KCNJ3: variants seen among roughly 807,000 people sequenced by gnomAD.
KCNJ3 encodes the protein potassium inwardly rectifying channel subfamily J member 3, also known as G protein-activated inward rectifier potassium channel 1.
Under a neutral mutation model 39.2 loss-of-function variants are expected in KCNJ3, and 4 were observed. The ratio of observed to expected loss-of-function variants is 0.10; its 90% confidence interval spans 0.05 to 0.23. The LOEUF is 0.23. KCNJ3 is among the 10% of genes least tolerant of loss of function. The pLI is 1.00. For synonymous variants in KCNJ3, 230 were observed against 237.4 expected, an observed-to-expected ratio of 0.97 and a Z score of 0.29; for missense variants, 276 against 634.9, an observed-to-expected ratio of 0.43 and a Z score of 6.08.
intron 2 of KCNJ3, among the ~76,000 whole-genome samples, chr2:154,796,578 A>T (rs1370197538): frequency 1.3e-5 from 2 of 152,134 alleles, no homozygotes; most frequent in Admixed American, 6.6e-5. Flanking sequence ...TTGAGAAGGC[A>T]GTGTAGAAGT....
intron 2 of KCNJ3, among the ~76,000 whole-genome samples, chr2:154,760,332 C>T (rs894486451): frequency 4.6e-5 from 7 of 152,046 alleles, no homozygotes; most frequent in African/African-American, 9.7e-5. Context: ...ATTTTTCTGA[C>T]GTAAACTTTT....
chr2:154,818,200 A>G (rs941761513), intron 2 of KCNJ3, among the ~76,000 whole-genome samples: 18 of 152,146 alleles, frequency 1.2e-4, no homozygotes, highest in South Asian at 1.0e-3. Flanking sequence ...TTATCATACC[A>G]TATGTAACCT....
At chr2:154,750,464 C>T (rs1347736604) in intron 2 of KCNJ3, among the ~76,000 whole-genome samples, 1 of 151,878 alleles carries the variant, frequency 6.6e-6, no homozygotes, top group Non-Finnish European at 1.5e-5. Flanking sequence ...GTAACTTATT[C>T]CAAAACTGAT....
chr2:154,761,918 T>G (rs769863617), intron 2 of KCNJ3, among the ~76,000 whole-genome samples: 4 of 152,196 alleles, frequency 2.6e-5, no homozygotes, highest in Non-Finnish European at 4.4e-5. Flanking sequence ...GTGGTTATGT[T>G]AAGTATCATA....
chr2:154,732,267 C>A (rs1685460179), intron 2 of KCNJ3, among the ~76,000 whole-genome samples: 1 of 152,034 alleles, frequency 6.6e-6, no homozygotes, highest in Non-Finnish European at 1.5e-5. Context: ...TTATTTATCC[C>A]AGGACAATTT....
At chr2:154,827,510 A>C (rs1420544893) in intron 2 of KCNJ3, among the ~76,000 whole-genome samples, 1 of 152,030 alleles carries the variant, frequency 6.6e-6, no homozygotes, top group African/African-American at 2.4e-5. Context: ...TGTTAATGAG[A>C]CTGTTTCTGC....
intron 2 of KCNJ3, among the ~76,000 whole-genome samples, chr2:154,742,203 A>G (rs925375941): frequency 2.0e-5 from 3 of 151,846 alleles, no homozygotes; most frequent in Admixed American, 6.6e-5. Context: ...ATGTTGTAGC[A>G]TGTGTCAGAA....
At chr2:154,779,245 C>T (rs978680603) in intron 2 of KCNJ3, among the ~76,000 whole-genome samples, 2 of 151,540 alleles carry the variant, frequency 1.3e-5, no homozygotes, top group East Asian at 1.9e-4. Flanking sequence ...TTACCTCTAG[C>T]CCAGAAGTGA....
At chr2:154,749,452 G>A (rs1685800324) in intron 2 of KCNJ3, among the ~76,000 whole-genome samples, 1 of 152,084 alleles carries the variant, frequency 6.6e-6, no homozygotes, top group South Asian at 2.1e-4. Flanking sequence ...TAGCAGGCAT[G>A]TTGTGGGCAA....
intron 2 of KCNJ3, among the ~76,000 whole-genome samples, chr2:154,722,250 G>C (rs539404741): frequency 1.3e-5 from 2 of 152,098 alleles, no homozygotes; most frequent in Non-Finnish European, 2.9e-5. Flanking sequence ...GTACACAATG[G>C]TGAATAAGAA....
chr2:154,746,334 G>C (rs983245741), intron 2 of KCNJ3, among the ~76,000 whole-genome samples: 1 of 151,796 alleles, frequency 6.6e-6, no homozygotes, highest in Non-Finnish European at 1.5e-5. Context: ...TGCATGGTAA[G>C]TTGGCACCCC....
intron 2 of KCNJ3, among the ~76,000 whole-genome samples, chr2:154,771,244 A>AG (rs1336497330): frequency 1.3e-5 from 2 of 152,156 alleles, no homozygotes; most frequent in Admixed American, 6.5e-5. Context: ...TGGAAGAGGA[A>AG]GGGGAAAAAA....
chr2:154,716,726 A>G (rs975435499), intron 2 of KCNJ3, among the ~76,000 whole-genome samples: 2 of 152,292 alleles, frequency 1.3e-5, no homozygotes, highest in Admixed American at 1.3e-4. Flanking sequence ...GACTTTGTTT[A>G]TGGCTACTTA....
Position 154,786,503 on chromosome 2 carries a change from C to A in KCNJ3, c.920-68224C>A, listed in dbSNP as rs539959283. Among the ~76,000 whole-genome samples, 4 of 152,266 alleles carry A rather than the reference C, an allele frequency of 2.6e-5. No individual in the cohort carries two copies. The East Asian group carries it at 5.8e-4, about 22-fold the overall frequency. Reference sequence around the variant, plus strand: ...TAAATTAACAATTTGTTATTGGACACCATTTATGTGAGGAATGAAATGTCA... The same window carrying A: ...TAAATTAACAATTTGTTATTGGACAACATTTATGTGAGGAATGAAATGTCA... On this transcript the variant is annotated intron_variant, in intron 2 of 2. Coordinates refer to ENST00000295101, the MANE Select transcript of KCNJ3 (RefSeq NM_002239.4).
intron 2 of KCNJ3, among the ~76,000 whole-genome samples, chr2:154,851,692 T>A (rs1687758964): frequency 1.3e-5 from 2 of 152,198 alleles, no homozygotes; most frequent in African/African-American, 4.8e-5. Flanking sequence ...TAAAATAGAT[T>A]CTCCACCTTC....
At chr2:154,830,513 G>A (rs569512024) in intron 2 of KCNJ3, among the ~76,000 whole-genome samples, 1 of 152,238 alleles carries the variant, frequency 6.6e-6, no homozygotes, top group African/African-American at 2.4e-5. Flanking sequence ...GATGCGCTTC[G>A]TGTGTTTCAA....
chr2:154,738,851 A>T (rs987108004), intron 2 of KCNJ3, among the ~76,000 whole-genome samples: 2 of 152,118 alleles, frequency 1.3e-5, no homozygotes, highest in Admixed American at 6.6e-5. Flanking sequence ...ATAATCACCA[A>T]AAGCTCCACA....
chr2:154,711,298 T>C (rs1685098905), intron 2 of KCNJ3, among the ~76,000 whole-genome samples: 1 of 152,102 alleles, frequency 6.6e-6, no homozygotes, highest in Non-Finnish European at 1.5e-5. Context: ...AAAGTAGTAA[T>C]GTATTAGGGC....
chr2:154,848,025 G>A (rs1340759001), intron 2 of KCNJ3, among the ~76,000 whole-genome samples: 1 of 152,136 alleles, frequency 6.6e-6, no homozygotes, highest in Non-Finnish European at 1.5e-5. Flanking sequence ...ATTCAGGAAA[G>A]TAGTTAGAAA....
Sources: allele counts gnomAD v4.1 joint callset (sites outside exome capture counted in the v4.1 genomes callset), GRCh38; gene constraint gnomAD v4.1.1; transcripts MANE v1.5; gene names NCBI Gene and HGNC (gene_info 2026-07-23, HGNC 2026-07-21).